Variants in LGR6 observed in about 807,000 individuals in gnomAD.
LGR6 encodes leucine-rich repeat-containing G protein-coupled receptor 6.
In LGR6, 45 loss-of-function variants were observed where a neutral mutation model predicts 69.4. The ratio of observed to expected loss-of-function variants is 0.65; its 90% CI spans 0.51 to 0.83. The LOEUF (loss-of-function observed/expected upper bound fraction) is 0.83, where lower values mean the gene tolerates loss of function less well. Among genes scored for constraint, LGR6 ranks in the 40% least tolerant of loss-of-function variants. The pLI is 0.00. For missense variants in LGR6, 1,108 were observed against 1,246.7 expected (o/e 0.89, Z 1.68); for synonymous variants, 538 against 555.0 (o/e 0.97, Z 0.43).
chr1:202,261,081 ATT>A (rs1303468572), intron 4 of LGR6, among the ~76,000 whole-genome samples: 1 of 150,666 alleles, frequency 6.6e-6, no homozygotes, highest in Admixed American at 6.6e-5. Flanking sequence ...TTTTCTTTTT[ATT>A]ATTATTATTA....
intron 5 of LGR6, among the ~76,000 whole-genome samples, chr1:202,277,556 C>T (rs1048314578): frequency 1.3e-5 from 2 of 151,996 alleles, no homozygotes; most frequent in Admixed American, 1.3e-4. Context: ...GGTCAGGCCT[C>T]TGTGAGGGAT....
Position 202,225,409 on chromosome 1 carries a change from C to T in LGR6, c.213-14C>T, listed in dbSNP as rs765501094. On this transcript the variant is annotated splice_polypyrimidine_tract_variant and intron_variant, in intron 1 of 17. Coordinates refer to ENST00000367278, the MANE Select transcript of LGR6 (RefSeq NM_001017403.2). Reference sequence around the variant, plus strand: ...GGGAGTTCACAGCTCCTTTTTCCATCTTCTCTCCACCAGGGACCTCAGCAT... The same window carrying T: ...GGGAGTTCACAGCTCCTTTTTCCATTTTCTCTCCACCAGGGACCTCAGCAT... 1.2e-6 allele frequency: 2 copies of T among 1,612,876 alleles called. No homozygotes were observed. The highest frequency in any genetic ancestry group is 1.7e-6 in the Non-Finnish European group (2 of 1,179,116).
At chr1:202,210,078 G>A (rs569620035) in intron 1 of LGR6, among the ~76,000 whole-genome samples, 5 of 152,336 alleles carry the variant, frequency 3.3e-5, no homozygotes, top group Non-Finnish European at 4.4e-5. Context: ...GAAGAGGCAA[G>A]GAAGCATCAG....
At chr1:202,238,420 T>A (rs1298167840) in intron 4 of LGR6, among the ~76,000 whole-genome samples, 4 of 146,858 alleles carry the variant, frequency 2.7e-5, no homozygotes, top group Non-Finnish European at 4.5e-5. Context: ...TCCTTTTTTT[T>A]TTTTTTTTTT....
rs866417968 is a variant in LGR6, at chr1:202,203,651, G to A, written c.212+9450G>A. Reference sequence around the variant, plus strand: ...CCTTGGAGAGAGAGATAAGACAAGCGCAAATAACTGTGACCTGTTGTAGGA... The same window carrying A: ...CCTTGGAGAGAGAGATAAGACAAGCACAAATAACTGTGACCTGTTGTAGGA... On this transcript the variant is annotated intron_variant, in intron 1 of 17. Coordinates refer to ENST00000367278, the MANE Select transcript of LGR6 (RefSeq NM_001017403.2). 99 of 642,042 alleles carry A rather than the reference G, an allele frequency of 1.5e-4. No individual in the cohort carries two copies. The Middle Eastern group carries it at 7.7e-3, about 50-fold the overall frequency. 39.8% of individuals were successfully genotyped at this position (642,042 alleles called of 1,614,324 possible).
chr1:202,288,496 CA>C (rs2148211212), intron 6 of LGR6, among the ~76,000 whole-genome samples: 1 of 152,306 alleles, frequency 6.6e-6, no homozygotes, highest in South Asian at 2.1e-4. Context: ...TGGCTCCTGG[CA>C]AATCTTTATC....
intron 7 of LGR6, 65 bp downstream of exon 7, chr1:202,297,641 T>C: frequency 1.5e-6 from 2 of 1,339,624 alleles, no homozygotes; most frequent in Non-Finnish European, 2.1e-6. Flanking sequence ...GAAGCCAGCC[T>C]GAGCTGCCTC....
chr1:202,239,089 C>G (rs1571871152), intron 4 of LGR6, among the ~76,000 whole-genome samples: 1 of 152,076 alleles, frequency 6.6e-6, no homozygotes, highest in South Asian at 2.1e-4. Flanking sequence ...TACGCGGTAC[C>G]CGGATGGCCT....
intron 4 of LGR6, among the ~76,000 whole-genome samples, chr1:202,260,296 A>G (rs1187748542): frequency 6.6e-6 from 1 of 151,904 alleles, no homozygotes; most frequent in Non-Finnish European, 1.5e-5. Context: ...GTCTCAGCCT[A>G]CCAAAGTGTT....
chr1:202,256,709 G>C (rs1009508510), intron 4 of LGR6, among the ~76,000 whole-genome samples: 22 of 152,314 alleles, frequency 1.4e-4, no homozygotes, highest in African/African-American at 5.3e-4. Context: ...CACATATGTT[G>C]TCAGTTATCC....
At chr1:202,300,657 GAAAA>G (rs111707317) in intron 7 of LGR6, among the ~76,000 whole-genome samples, 188 bp from the exon 8 acceptor site, 1 of 105,118 alleles carries the variant, frequency 9.5e-6, no homozygotes, top group Non-Finnish European at 2.0e-5. Flanking sequence ...CCCTGTCTCA[GAAAA>G]AAAAAAAAAA....
chr1:202,293,241 C>T (rs190511492), intron 6 of LGR6, among the ~76,000 whole-genome samples: 5 of 152,330 alleles, frequency 3.3e-5, no homozygotes, highest in East Asian at 1.9e-4. Flanking sequence ...TCCAACCAAG[C>T]GATATTGCTT....
intron 9 of LGR6, among the ~76,000 whole-genome samples, chr1:202,301,761 A>T (rs575660236): frequency 6.6e-6 from 1 of 152,270 alleles, no homozygotes; most frequent in African/African-American, 2.4e-5. Flanking sequence ...TCACTCCTGT[A>T]ATCCCACCAC....
rs539474806 is a variant in LGR6 at position 202,224,199 on chromosome 1, T to A, written c.213-1224T>A. Among the ~76,000 whole-genome samples the A allele has an allele frequency of 2.0e-5, 3 of 152,160 alleles. No homozygotes were observed. In the South Asian group the frequency reaches 6.2e-4, roughly 32 times the overall value. On this transcript the variant is annotated intron_variant, in intron 1 of 17. Transcript: ENST00000367278. Reference sequence around the variant, plus strand: ...GATAATGATGGAAGCTAATTTGGGGTTATTGTGAGAATGGAAGGAGGTTGT... The same window carrying A: ...GATAATGATGGAAGCTAATTTGGGGATATTGTGAGAATGGAAGGAGGTTGT...
At chr1:202,198,373 T>G (rs1421091337) in intron 1 of LGR6, among the ~76,000 whole-genome samples, 1 of 152,224 alleles carries the variant, frequency 6.6e-6, no homozygotes, top group Non-Finnish European at 1.5e-5. Context: ...CTCATAGGGT[T>G]GTTGTGTGGA....
At chr1:202,247,569 G>A (rs1466435691) in intron 4 of LGR6, among the ~76,000 whole-genome samples, 1 of 152,196 alleles carries the variant, frequency 6.6e-6, no homozygotes, top group African/African-American at 2.4e-5. Context: ...GACTGGTTTG[G>A]TTGTGGACCC....
intron 6 of LGR6, among the ~76,000 whole-genome samples, chr1:202,284,360 C>T (rs983434350): frequency 1.3e-5 from 2 of 152,204 alleles, no homozygotes; most frequent in African/African-American, 2.4e-5. Context: ...CAGAGGTGGT[C>T]TAGTCCCCAG....
At chr1:202,224,242 G>A (rs139546458) in intron 1 of LGR6, among the ~76,000 whole-genome samples, 8 of 152,232 alleles carry the variant, frequency 5.3e-5, no homozygotes, top group South Asian at 2.1e-4. Flanking sequence ...AAGATTAGCC[G>A]GTGTCTGACA....
chr1:202,281,374 C>G (rs1665991328), intron 6 of LGR6, among the ~76,000 whole-genome samples: 2 of 152,146 alleles, frequency 1.3e-5, no homozygotes, highest in Admixed American at 6.5e-5. Flanking sequence ...GCACTCTAGC[C>G]TTACTATAAG....
Sources: allele counts gnomAD v4.1 joint callset (sites outside exome capture counted in the v4.1 genomes callset), GRCh38; gene constraint gnomAD v4.1.1; transcripts MANE v1.5; gene names NCBI Gene and HGNC (gene_info 2026-07-23, HGNC 2026-07-21).